Variants in NOTCH2 observed in about 807,000 individuals in gnomAD.
NOTCH2 encodes neurogenic locus notch homolog protein 2.
A neutral mutation model predicts 235.8 loss-of-function variants in NOTCH2; 29 were observed. That is an observed-to-expected ratio of 0.12 (90% CI 0.09 to 0.17). The LOEUF (loss-of-function observed/expected upper bound fraction) is 0.17. NOTCH2 is among the 10% of genes least tolerant of loss of function. The pLI is 1.00. For missense variants in NOTCH2, 2,285 were observed against 3,150.2 expected, an observed-to-expected ratio of 0.73 and a Z score of 6.57; for synonymous variants, 1,086 against 1,141.5, an observed-to-expected ratio of 0.95 and a Z score of 0.98.
intron 5 of NOTCH2, among the ~76,000 whole-genome samples, chr1:119,976,839 C>T (rs1651598527): frequency 6.6e-6 from 1 of 152,038 alleles, no homozygotes; most frequent in Non-Finnish European, 1.5e-5. Context: ...CACGTTATTC[C>T]TTGTGCCTGG....
rs2101156072 is a variant in NOTCH2 at position 119,922,676 on chromosome 1, G to A, written c.4962C>T (p.Ala1654=). The A allele has an allele frequency of 3.1e-6, 5 of 1,614,184 alleles. No homozygotes were observed. In the South Asian group the frequency reaches 4.4e-5, roughly 14 times the overall value. The change falls in exon 27 of 34, where the codon GCC becomes GCT. Residue 1654 remains alanine, a synonymous_variant. Coordinates refer to ENST00000256646, the MANE Select transcript of NOTCH2 (RefSeq NM_024408.4). The stretch of plus-strand genomic sequence containing the variant: ...GAGGGTATGACAGGGTCCCCTGTAT[G>A]GCGTGAGAGGCCAGGAGAGCTGCTG... ...DAAAALLASH[A]IQGTLSYPLV...
At position 119,925,237 on chromosome 1, in the gene NOTCH2, G is replaced by A. The variant is rs587685969; in HGVS notation, c.4511+68C>T. On this transcript the variant is annotated intron_variant, in intron 25 of 33. Transcript: ENST00000256646. ...GGCTGAAGCACTGGAGTGGTTAGGA[G>A]CAAGAACGAGAAACTGAAGTGTGTT... The A allele has an allele frequency of 2.5e-6, 4 of 1,600,678 alleles. No homozygotes were observed. In the African/African-American group the frequency reaches 5.3e-5, roughly 21 times the overall value.
intron 1 of NOTCH2, among the ~76,000 whole-genome samples, chr1:120,066,663 A>C (rs1655518572): frequency 6.6e-6 from 1 of 151,900 alleles, no homozygotes; most frequent in Non-Finnish European, 1.5e-5. Context: ...AGGTGAACCA[A>C]AAGTTGCTCC....
chr1:120,028,816 A>G (rs1292986059), intron 2 of NOTCH2, among the ~76,000 whole-genome samples: 1 of 146,846 alleles, frequency 6.8e-6, no homozygotes, highest in African/African-American at 2.5e-5. Flanking sequence ...GAGAAATTTC[A>G]TATTACCAAA....
intron 18 of NOTCH2, among the ~76,000 whole-genome samples, 178 bp downstream of exon 18, chr1:119,941,348 C>T (rs1650054473): frequency 6.6e-6 from 1 of 152,104 alleles, no homozygotes; most frequent in Admixed American, 6.6e-5. Flanking sequence ...TGACCTTTAA[C>T]TTTCTATTAT....
In NOTCH2 at chr1:119,996,994, T is replaced by C; in HGVS notation, c.751+3A>G. The C allele has an allele frequency of 6.2e-7, 1 of 1,613,530 alleles. No individual in the cohort carries two copies. Among genetic ancestry groups the C allele is most frequent in the Non-Finnish European group, 8.5e-7 (1 of 1,179,632 alleles). On this transcript the variant is annotated splice_donor_region_variant and intron_variant, in intron 4 of 33. Coordinates refer to ENST00000256646, the MANE Select transcript of NOTCH2 (RefSeq NM_024408.4). ...AATCCTGGGACACTAGGGAGCTCCT[T>C]ACCTGGAAGGCAGTTGCACTCAAAA...
intron 19 of NOTCH2, among the ~76,000 whole-genome samples, chr1:119,939,928 T>G (rs587732313): frequency 1.3e-5 from 2 of 152,340 alleles, no homozygotes. Flanking sequence ...TCTATCACTA[T>G]TAAAGAGGTA....
At chr1:120,003,707 A>C (rs1179043566) in intron 3 of NOTCH2, among the ~76,000 whole-genome samples, 1 of 152,174 alleles carries the variant, frequency 6.6e-6, no homozygotes, top group East Asian at 1.9e-4. Context: ...ATGTGTAAAA[A>C]AAAATTACAA....
In NOTCH2 at chr1:119,997,312, C is replaced by T. The variant is rs1262991439; in HGVS notation, c.436G>A (p.Asp146Asn). The T allele has an allele frequency of 2.5e-6, 4 of 1,613,892 alleles. No homozygotes were observed. The highest frequency in any genetic ancestry group is 3.4e-6 in the Non-Finnish European group (4 of 1,179,874). The change falls in exon 4 of 34, where the codon GAT (aspartate) becomes AAT (asparagine). Residue 146 changes from aspartate (D) to asparagine (N), a missense_variant. Asp to Asn is a conservative substitution (Grantham distance 23). This residue lies in a region of NOTCH2 where 431 missense variants were observed against 757.8 expected (regional missense o/e 0.57). Transcript: ENST00000256646. ...GFTGKECQWT[D>N]ACLSHPCANG... ...GCACAGGGATGAGACAGGCAGGCATCCGTCCATTGGCACTCCTTACCTAAA... is the reference window on the plus strand; with the variant it reads ...GCACAGGGATGAGACAGGCAGGCATTCGTCCATTGGCACTCCTTACCTAAA...
intron 22 of NOTCH2, chr1:119,935,189 A>AT: frequency 1.6e-6 from 2 of 1,276,342 alleles, no homozygotes; most frequent in Non-Finnish European, 2.0e-6. Context: ...GACCAGGCTA[A>AT]TTTTTTAATG....
chr1:120,027,176 AC>A (rs1465711778), intron 2 of NOTCH2, among the ~76,000 whole-genome samples: 1 of 150,546 alleles, frequency 6.6e-6, no homozygotes, highest in Non-Finnish European at 1.5e-5. Context: ...ATGGTCTCCA[AC>A]CTTGGTTGGA....
At chr1:119,969,871 C>A (rs1651292471) in intron 5 of NOTCH2, 127 bp from the exon 6 acceptor site, 2 of 850,306 alleles carry the variant, frequency 2.4e-6, no homozygotes, top group Non-Finnish European at 3.9e-6. Context: ...CTCCAGAAGG[C>A]TGGGTCTTCA....
intron 8 of NOTCH2, 37 bp from the exon 9 acceptor site, chr1:119,966,526 G>C: frequency 5.5e-6 from 8 of 1,441,754 alleles, no homozygotes; most frequent in Non-Finnish European, 7.8e-6. Context: ...CTTAAAGAGA[G>C]AGAAAGGTGT....
At chr1:119,933,465 GA>G (rs1267834873) in intron 22 of NOTCH2, among the ~76,000 whole-genome samples, 1 of 152,174 alleles carries the variant, frequency 6.6e-6, no homozygotes, top group Non-Finnish European at 1.5e-5. Flanking sequence ...TAAACTCAAA[GA>G]AATTCATACC....
intron 1 of NOTCH2, among the ~76,000 whole-genome samples, chr1:120,065,131 A>G (rs1308261786): frequency 1.3e-5 from 2 of 152,232 alleles, no homozygotes; most frequent in Non-Finnish European, 2.9e-5. Context: ...GAAACCCCAC[A>G]CACAAAGAAA....
chr1:119,920,029 GAAGC>G (rs1467464648), intron 30 of NOTCH2, among the ~76,000 whole-genome samples, 196 bp downstream of exon 30: 1 of 152,190 alleles, frequency 6.6e-6, no homozygotes, highest in African/African-American at 2.4e-5. Flanking sequence ...CACTGTACAT[GAAGC>G]AATGTGAAAT....
At chr1:119,970,901 C>G (rs587594803) in intron 5 of NOTCH2, among the ~76,000 whole-genome samples, 6 of 152,260 alleles carry the variant, frequency 3.9e-5, no homozygotes, top group Admixed American at 2.6e-4. Flanking sequence ...GTAAATAAAA[C>G]TCAACAAATA....
chr1:120,001,719 A>G (rs1286177584), intron 3 of NOTCH2, among the ~76,000 whole-genome samples: 1 of 152,168 alleles, frequency 6.6e-6, no homozygotes, highest in Non-Finnish European at 1.5e-5. Context: ...TCCTGCATGC[A>G]ATGGTTCTGC....
intron 25 of NOTCH2, 58 bp from the exon 26 acceptor site, chr1:119,924,042 T>C: frequency 7.0e-7 from 1 of 1,436,980 alleles, no homozygotes; most frequent in Non-Finnish European, 9.7e-7. Context: ...GGAGCTCTAT[T>C]TGCTTTTTCA....
Sources: allele counts gnomAD v4.1 joint callset (sites outside exome capture counted in the v4.1 genomes callset), GRCh38; gene constraint gnomAD v4.1.1; regional missense constraint gnomAD v4.1.1; transcripts MANE v1.5; gene names NCBI Gene and HGNC (gene_info 2026-07-23, HGNC 2026-07-21).